Variants in TULP4 observed in about 807,000 individuals in gnomAD.
TULP4 encodes the protein tubby-related protein 4.
A neutral mutation model predicts 129.0 loss-of-function variants in TULP4; 16 were observed. The observed-to-expected ratio is 0.12, with a 90% CI of 0.08 to 0.19. TULP4 has a LOEUF of 0.19. Among genes scored for constraint, TULP4 ranks in the 10% least tolerant of loss-of-function variants. The pLI, the probability that TULP4 is intolerant of heterozygous loss-of-function variation, is 1.00. For missense variants in TULP4, 1,842 were observed against 2,059.1 expected, an observed-to-expected ratio of 0.89 and a Z score of 2.04; for synonymous variants, 998 against 854.0, an observed-to-expected ratio of 1.17 and a Z score of -2.94.
intron 1 of TULP4, among the ~76,000 whole-genome samples, chr6:158,385,222 C>G (rs1297775738): frequency 6.6e-6 from 1 of 152,128 alleles, no homozygotes; most frequent in Non-Finnish European, 1.5e-5. Context: ...ATAAAAATAT[C>G]AAAATATCAG....
chr6:158,272,980 G>A (rs1583694131), intron 1 of TULP4, among the ~76,000 whole-genome samples: 2 of 152,184 alleles, frequency 1.3e-5, no homozygotes, highest in Admixed American at 1.3e-4. Context: ...AATCTGGTCC[G>A]ATCTTGTCAT....
chr6:158,420,640 C>G (rs1176577269), intron 2 of TULP4, among the ~76,000 whole-genome samples: 1 of 119,784 alleles, frequency 8.3e-6, no homozygotes, highest in Non-Finnish European at 1.9e-5. Flanking sequence ...CGCCACTACA[C>G]CTGGCTAATT....
intron 1 of TULP4, among the ~76,000 whole-genome samples, chr6:158,408,474 A>G (rs1778015180): frequency 6.6e-6 from 1 of 152,188 alleles, no homozygotes; most frequent in Non-Finnish European, 1.5e-5. Context: ...AATTAATAAC[A>G]CAGAGCTCTC....
chr6:158,484,491 A>T (rs1241706529), intron 8 of TULP4, among the ~76,000 whole-genome samples: 1 of 152,100 alleles, frequency 6.6e-6, no homozygotes, highest in Non-Finnish European at 1.5e-5. Context: ...CTTGCTATAG[A>T]CTGACTTGTG....
chr6:158,432,441 T>G, intron 3 of TULP4, among the ~76,000 whole-genome samples: 1 of 152,206 alleles, frequency 6.6e-6, no homozygotes, highest in Admixed American at 6.5e-5. Context: ...CTCTTCCTGC[T>G]TCCCTGAGAA....
At chr6:158,471,262 C>G (rs1053589881) in intron 6 of TULP4, among the ~76,000 whole-genome samples, 3 of 152,330 alleles carry the variant, frequency 2.0e-5, no homozygotes, top group Non-Finnish European at 4.4e-5. Context: ...GCAGGAGTGC[C>G]ATGGAGTGCC....
At chr6:158,384,148 C>G (rs369988018) in intron 1 of TULP4, among the ~76,000 whole-genome samples, 2 of 152,046 alleles carry the variant, frequency 1.3e-5, no homozygotes, top group East Asian at 3.9e-4. Flanking sequence ...TATAGCATCT[C>G]GAATATTCCA....
chr6:158,456,571 C>T (rs1022838915), intron 5 of TULP4, among the ~76,000 whole-genome samples: 3 of 152,150 alleles, frequency 2.0e-5, no homozygotes, highest in South Asian at 2.1e-4. Context: ...CGATGGCTCA[C>T]GCCTGTAATC....
chr6:158,322,401 C>T (rs1345578877), intron 1 of TULP4, among the ~76,000 whole-genome samples: 1 of 152,086 alleles, frequency 6.6e-6, no homozygotes, highest in African/African-American at 2.4e-5. Context: ...CCAAGTCATT[C>T]ATTAGTTTAC....
Position 158,405,529 on chromosome 6 carries a change from G to A in TULP4, c.253-7536G>A, listed in dbSNP as rs557883513. Among the ~76,000 whole-genome samples, 8 of 152,308 alleles carry A rather than the reference G, an allele frequency of 5.3e-5. No homozygotes were observed. In the South Asian group the frequency reaches 1.7e-3, roughly 32 times the overall value. ...TTACAGCTGTGACGGTTTAGCATAT[G>A]CTCTGCTACTTGAGATAATGGAGAG... On this transcript the variant is annotated intron_variant, in intron 1 of 13. Coordinates refer to ENST00000367097, the MANE Select transcript of TULP4 (RefSeq NM_020245.5).
chr6:158,287,092 A>G (rs939019869), intron 1 of TULP4, among the ~76,000 whole-genome samples: 1 of 152,224 alleles, frequency 6.6e-6, no homozygotes, highest in Non-Finnish European at 1.5e-5. Context: ...AGTAGGGAAG[A>G]TAAACCAGGT....
At position 158,504,287 on chromosome 6, in the gene TULP4, C is replaced by T. The variant is rs1215049243; in HGVS notation, c.4515+109C>T. 40 of 866,930 alleles carry T rather than the reference C, an allele frequency of 4.6e-5. 1 individual carries two copies. Among genetic ancestry groups the T allele is most frequent in the Admixed American group, 2.9e-5 (1 of 34,794 alleles). The allele number at this position is 866,930 out of a possible 1,614,324, so 53.7% of individuals were successfully genotyped here. A position where few individuals can be genotyped will look rare whatever the true frequency, so the allele number is the denominator to read the frequency against. Reference sequence around the variant, plus strand: ...GCCAAATGGGAAATGTGGAAAACAACGAACACCTCTTAGGTGGAGCTCATG... The same window carrying T: ...GCCAAATGGGAAATGTGGAAAACAATGAACACCTCTTAGGTGGAGCTCATG... On this transcript the variant is annotated intron_variant, in intron 13 of 13. Coordinates refer to ENST00000367097, the MANE Select transcript of TULP4 (RefSeq NM_020245.5).
chr6:158,350,755 A>AG, intron 1 of TULP4, among the ~76,000 whole-genome samples: 1 of 140,506 alleles, frequency 7.1e-6, no homozygotes, highest in Non-Finnish European at 1.6e-5. Flanking sequence ...GAGATGGGAG[A>AG]GGGGAGAGCT....
At chr6:158,242,334 A>C in intron 1 of TULP4, 2 of 1,539,162 alleles carry the variant, frequency 1.3e-6, no homozygotes, top group Non-Finnish European at 1.8e-6. Context: ...CTCTGGAGCC[A>C]CTTTTTCCCA....
At chr6:158,381,155 T>TG (rs1332457464) in intron 1 of TULP4, among the ~76,000 whole-genome samples, 3 of 75,830 alleles carry the variant, frequency 4.0e-5, no homozygotes, top group African/African-American at 1.7e-4. Flanking sequence ...AGGTGCTTTA[T>TG]GGTTGTTTTT....
At chr6:158,296,684 G>T (rs1004089724) in intron 1 of TULP4, among the ~76,000 whole-genome samples, 4 of 151,774 alleles carry the variant, frequency 2.6e-5, no homozygotes, top group African/African-American at 7.3e-5. Context: ...GCCGGTCTGA[G>T]AAATAAAGAG....
intron 2 of TULP4, among the ~76,000 whole-genome samples, chr6:158,425,337 A>T (rs1340295824): frequency 6.6e-6 from 1 of 151,056 alleles, no homozygotes; most frequent in African/African-American, 2.4e-5. Flanking sequence ...AACGTGGTGA[A>T]ACCTCGTCTC....
intron 8 of TULP4, 120 bp from the exon 9 acceptor site, chr6:158,489,468 C>A: frequency 7.9e-7 from 1 of 1,261,454 alleles, no homozygotes; most frequent in South Asian, 1.5e-5. Flanking sequence ...TTGGTTTCAA[C>A]CTCTAGGTCT....
chr6:158,363,810 A>G (rs1334586858), intron 1 of TULP4, among the ~76,000 whole-genome samples: 1 of 151,986 alleles, frequency 6.6e-6, no homozygotes, highest in East Asian at 1.9e-4. Context: ...CTTTTAATTA[A>G]GTGTATGCAT....
Sources: gnomAD v4.1 joint callset for allele counts (sites outside exome capture counted in the v4.1 genomes callset) on GRCh38, gnomAD v4.1.1 for gene constraint, MANE v1.5 for transcripts, NCBI Gene and HGNC (gene_info 2026-07-23, HGNC 2026-07-21) for gene names.